Variants in MAD1L1 observed in about 807,000 individuals in gnomAD.
MAD1L1 encodes the protein mitotic spindle assembly checkpoint protein MAD1.
MAD1L1 carries 95 observed loss-of-function variants against 96.9 expected under a neutral mutation model. That is an observed-to-expected ratio of 0.98 (90% CI 0.83 to 1.16). MAD1L1 has a LOEUF of 1.16. MAD1L1 is among the 50% of genes most tolerant of loss of function. The probability of loss-of-function intolerance (pLI) is 0.00; values close to 1 mark genes in which losing one functional copy is unlikely to be tolerated. For missense variants in MAD1L1, 1,007 were observed against 954.4 expected, an observed-to-expected ratio of 1.06 and a Z score of -0.73; for synonymous variants, 473 against 396.6, an observed-to-expected ratio of 1.19 and a Z score of -2.29.
At chr7:2,105,750 GA>G (rs1265116393) in intron 11 of MAD1L1, among the ~76,000 whole-genome samples, 1 of 151,998 alleles carries the variant, frequency 6.6e-6, no homozygotes, top group Non-Finnish European at 1.5e-5. Context: ...GATGAGACCA[GA>G]AAGTCCAGGC....
rs553608987 is a variant in MAD1L1, at chr7:1,973,038, C to T, written c.1505+7415G>A. Among the ~76,000 whole-genome samples the T allele has an allele frequency of 1.2e-4, 18 of 152,270 alleles. 1 individual carries two copies. The South Asian group carries it at 2.9e-3, about 25-fold the overall frequency. On this transcript the variant is annotated intron_variant, in intron 15 of 18. Transcript: ENST00000265854. ...ACAGTCTGAGTGAATTCGATTCTTTCGAATTTACTGGGGTCTCTTTGATGA... is the reference window on the plus strand; with the variant it reads ...ACAGTCTGAGTGAATTCGATTCTTTTGAATTTACTGGGGTCTCTTTGATGA...
intron 11 of MAD1L1, among the ~76,000 whole-genome samples, chr7:2,104,073 C>G (rs1442633381): frequency 6.6e-6 from 1 of 152,250 alleles, no homozygotes; most frequent in African/African-American, 2.4e-5. Context: ...GATCAGAGCT[C>G]TCCGGGCCAA....
chr7:1,967,141 G>C (rs1780202360), intron 15 of MAD1L1, among the ~76,000 whole-genome samples: 1 of 152,212 alleles, frequency 6.6e-6, no homozygotes, highest in African/African-American at 2.4e-5. Context: ...GAGGGCAAGG[G>C]ACCTGCCGGG....
intron 12 of MAD1L1, among the ~76,000 whole-genome samples, chr7:2,067,841 C>T (rs56013888): frequency 0.034 from 5,125 of 152,396 alleles, 186 homozygotes; most frequent in Admixed American, 0.094. Context: ...ACCACCACGG[C>T]GTCCACCTCT....
At position 2,081,764 on chromosome 7, in the gene MAD1L1, G is replaced by A. The variant is rs139786316; in HGVS notation, c.1074-12426C>T. Reference sequence around the variant, plus strand: ...GAGCTAAGTGCGAGGGAGAAAAGCCGGAGCACAGGTTAGAGAGGGGAAGGC... The same window carrying A: ...GAGCTAAGTGCGAGGGAGAAAAGCCAGAGCACAGGTTAGAGAGGGGAAGGC... On this transcript the variant is annotated intron_variant, in intron 11 of 18. Coordinates refer to ENST00000265854, the MANE Select transcript of MAD1L1 (RefSeq NM_001013836.2). Among the ~76,000 whole-genome samples the A allele has an allele frequency of 4.4e-3, 667 of 152,342 alleles. 6 individuals are homozygous for A. The highest frequency in any genetic ancestry group is 0.015 in the African/African-American group (634 of 41,576).
chr7:1,996,586 C>T (rs1171674515), intron 14 of MAD1L1, among the ~76,000 whole-genome samples: 3 of 152,166 alleles, frequency 2.0e-5, no homozygotes, highest in African/African-American at 4.8e-5. Context: ...GAGTGGGCCT[C>T]GACACCCTTC....
intron 11 of MAD1L1, among the ~76,000 whole-genome samples, chr7:2,092,508 A>G (rs1786268898): frequency 6.7e-6 from 1 of 149,212 alleles, no homozygotes; most frequent in Non-Finnish European, 1.5e-5. Context: ...CCTCCCTCAC[A>G]CACCTGCCCT....
At chr7:1,826,304 G>A (rs775905157) in intron 18 of MAD1L1, among the ~76,000 whole-genome samples, 1 of 152,070 alleles carries the variant, frequency 6.6e-6, no homozygotes, top group Non-Finnish European at 1.5e-5. Flanking sequence ...AGGAGGGAGA[G>A]AGCAAGCTTC....
chr7:2,228,581 T>G (rs1230558256), intron 3 of MAD1L1, among the ~76,000 whole-genome samples: 1 of 151,898 alleles, frequency 6.6e-6, no homozygotes, highest in Non-Finnish European at 1.5e-5. Flanking sequence ...ATTTTGTCAG[T>G]GATAAAAAAC....
At chr7:2,217,195 C>T (rs1793331630) in intron 7 of MAD1L1, among the ~76,000 whole-genome samples, 1 of 152,220 alleles carries the variant, frequency 6.6e-6, no homozygotes, top group Non-Finnish European at 1.5e-5. Flanking sequence ...CCCTACGGTA[C>T]CCAGTCCCCT....
intron 11 of MAD1L1, among the ~76,000 whole-genome samples, chr7:2,112,734 AC>A (rs1187843960): frequency 3.3e-5 from 5 of 151,874 alleles, no homozygotes; most frequent in Non-Finnish European, 5.9e-5. Context: ...AGCACCCCAC[AC>A]CCACATCTCA....
At chr7:2,106,175 T>C (rs1182782598) in intron 11 of MAD1L1, among the ~76,000 whole-genome samples, 1 of 144,512 alleles carries the variant, frequency 6.9e-6, no homozygotes, top group Non-Finnish European at 1.5e-5. Flanking sequence ...CCATTACGCC[T>C]AGGCTAGGAA....
In MAD1L1 at chr7:1,972,853, G is replaced by C. The variant is rs536387210; in HGVS notation, c.1505+7600C>G. Among the ~76,000 whole-genome samples, 7 of 152,258 alleles carry C rather than the reference G, an allele frequency of 4.6e-5. No homozygotes were observed. In the South Asian group the frequency reaches 1.4e-3, roughly 32 times the overall value. ...AGCTGGACCCCACTTACTTAGATGT[G>C]TGTATTTCCATTATTGCCCAGTGTA... On this transcript the variant is annotated intron_variant, in intron 15 of 18. Transcript: ENST00000265854.
At chr7:1,837,422 C>T (rs193149346) in intron 18 of MAD1L1, among the ~76,000 whole-genome samples, 1 of 152,318 alleles carries the variant, frequency 6.6e-6, no homozygotes, top group East Asian at 1.9e-4. Flanking sequence ...TAGGCGTACA[C>T]TGACCACACA....
intron 11 of MAD1L1, among the ~76,000 whole-genome samples, chr7:2,073,240 C>T (rs962045888): frequency 6.6e-6 from 1 of 152,168 alleles, no homozygotes; most frequent in African/African-American, 2.4e-5. Flanking sequence ...TTTTAGAGTA[C>T]TGAGATAATA....
intron 10 of MAD1L1, among the ~76,000 whole-genome samples, chr7:2,197,761 AGGAGCCATGCAGGCCTGACATCG>A (rs1420118599): frequency 1.3e-5 from 2 of 152,196 alleles, no homozygotes; most frequent in Non-Finnish European, 2.9e-5. Flanking sequence ...GGGCTCCTCT[AGGAGCCATGCAGGCCTGACATCG>A]GCTGCTGTCT....
chr7:2,120,883 G>C (rs1248149719), intron 11 of MAD1L1, among the ~76,000 whole-genome samples: 1 of 152,234 alleles, frequency 6.6e-6, no homozygotes. Flanking sequence ...CAACAGGCTG[G>C]TGTGGCCTCC....
intron 10 of MAD1L1, among the ~76,000 whole-genome samples, chr7:2,190,162 G>A (rs532562550): frequency 1.3e-5 from 2 of 152,298 alleles, no homozygotes; most frequent in Admixed American, 6.5e-5. Context: ...AAGAGTATTA[G>A]GAAGTGACAG....
chr7:2,051,663 C>G (rs1265880765), intron 12 of MAD1L1, among the ~76,000 whole-genome samples: 1 of 120,218 alleles, frequency 8.3e-6, no homozygotes, highest in Non-Finnish European at 1.7e-5. Flanking sequence ...AGCTGCCCTG[C>G]GCCTGCCGGG....
Sources: allele counts gnomAD v4.1 joint callset (sites outside exome capture counted in the v4.1 genomes callset), GRCh38; gene constraint gnomAD v4.1.1; transcripts MANE v1.5; gene names NCBI Gene and HGNC (gene_info 2026-07-23, HGNC 2026-07-21).